Variants in TRPM3 observed in about 807,000 individuals in gnomAD.
TRPM3 encodes the protein long transient receptor potential channel 3.
In TRPM3, 77 loss-of-function variants were observed where a neutral mutation model predicts 181.2. The ratio of observed to expected loss-of-function variants is 0.42; its 90% confidence interval spans 0.35 to 0.51. The LOEUF (loss-of-function observed/expected upper bound fraction) is 0.51, where lower values mean the gene tolerates loss of function less well. TRPM3 is among the 20% of genes least tolerant of loss of function. The probability of loss-of-function intolerance (pLI) is 0.01; values close to 1 mark genes in which losing one functional copy is unlikely to be tolerated. For synonymous variants in TRPM3, 745 were observed against 796.4 expected, an observed-to-expected ratio of 0.94 and a Z score of 1.09; for missense variants, 1,759 against 2,196.7, an observed-to-expected ratio of 0.80 and a Z score of 3.98.
intron 1 of TRPM3, among the ~76,000 whole-genome samples, chr9:71,020,292 C>G (rs1256768258): frequency 6.6e-6 from 1 of 151,740 alleles, no homozygotes; most frequent in African/African-American, 2.4e-5. Context: ...GAAAATGAGA[C>G]CCTGTCTCTA....
At chr9:70,967,988 C>T (rs2097202743) in intron 1 of TRPM3, among the ~76,000 whole-genome samples, 1 of 152,040 alleles carries the variant, frequency 6.6e-6, no homozygotes, top group African/African-American at 2.4e-5. Context: ...GCTCAAGTCA[C>T]ATCTCTTTTA....
chr9:70,684,340 C>T (rs903638008), intron 8 of TRPM3, among the ~76,000 whole-genome samples: 2 of 152,144 alleles, frequency 1.3e-5, no homozygotes, highest in Non-Finnish European at 2.9e-5. Context: ...GACTGCTCAC[C>T]TGTTCATGCC....
At chr9:71,178,299 T>C (rs2077217377) in intron 1 of TRPM3, among the ~76,000 whole-genome samples, 1 of 152,178 alleles carries the variant, frequency 6.6e-6, no homozygotes, top group Non-Finnish European at 1.5e-5. Flanking sequence ...TGTTTTGTTT[T>C]ATTATAAACA....
intron 1 of TRPM3, among the ~76,000 whole-genome samples, chr9:71,117,751 T>C (rs927461557): frequency 1.3e-5 from 2 of 152,166 alleles, no homozygotes; most frequent in Non-Finnish European, 2.9e-5. Flanking sequence ...ATATAAAAAT[T>C]TGAAAGTCTT....
At chr9:70,616,466 G>A (rs997555894) in intron 17 of TRPM3, among the ~76,000 whole-genome samples, 3 of 150,856 alleles carry the variant, frequency 2.0e-5, no homozygotes, top group Non-Finnish European at 4.4e-5. Flanking sequence ...ATTAGACAGC[G>A]CTTGATTTTG....
chr9:71,259,909 CT>C (rs1029956851), intron 1 of TRPM3, among the ~76,000 whole-genome samples: 1 of 151,988 alleles, frequency 6.6e-6, no homozygotes, highest in African/African-American at 2.4e-5. Flanking sequence ...ACAATTTTGG[CT>C]TTTTTTGCAA....
chr9:71,373,107 G>A (rs936523625), intron 1 of TRPM3, among the ~76,000 whole-genome samples: 7 of 152,218 alleles, frequency 4.6e-5, no homozygotes, highest in South Asian at 2.1e-4. Flanking sequence ...CAGAGTCTCC[G>A]GGATGTGGCT....
intron 1 of TRPM3, among the ~76,000 whole-genome samples, chr9:71,275,269 GTTT>G (rs1358945068): frequency 6.6e-6 from 1 of 152,064 alleles, no homozygotes; most frequent in East Asian, 1.9e-4. Context: ...GCTTTAAAAT[GTTT>G]TTTAAGTGTT....
At chr9:71,030,976 G>A (rs960111619) in intron 1 of TRPM3, among the ~76,000 whole-genome samples, 1 of 152,118 alleles carries the variant, frequency 6.6e-6, no homozygotes, top group African/African-American at 2.4e-5. Context: ...GAACTTATGG[G>A]ATTTGGGGGT....
At chr9:71,333,030 T>G (rs1379686918) in intron 1 of TRPM3, among the ~76,000 whole-genome samples, 4 of 151,930 alleles carry the variant, frequency 2.6e-5, no homozygotes, top group African/African-American at 4.8e-5. Flanking sequence ...AGTATAATAC[T>G]TGGACTCCAC....
chr9:71,415,126 G>T (rs1229787130), intron 1 of TRPM3, among the ~76,000 whole-genome samples: 1 of 152,066 alleles, frequency 6.6e-6, no homozygotes, highest in Non-Finnish European at 1.5e-5. Flanking sequence ...AGAAGGCAAT[G>T]ACCATGGAGG....
chr9:70,834,142 G>A (rs1309147280), intron 5 of TRPM3, among the ~76,000 whole-genome samples: 3 of 152,158 alleles, frequency 2.0e-5, no homozygotes, highest in Non-Finnish European at 1.5e-5. Context: ...TTTCAGCTCG[G>A]CAATTCAAAC....
At chr9:71,420,643 G>A (rs951756645) in intron 1 of TRPM3, among the ~76,000 whole-genome samples, 33 of 125,172 alleles carry the variant, frequency 2.6e-4, no homozygotes, top group African/African-American at 8.7e-4. Context: ...GAAAAAGAGA[G>A]AGAAAGAGAA....
At chr9:70,889,254 C>A (rs2096151017) in intron 1 of TRPM3, among the ~76,000 whole-genome samples, 1 of 152,310 alleles carries the variant, frequency 6.6e-6, no homozygotes, top group East Asian at 1.9e-4. Flanking sequence ...TGCCTCCTCT[C>A]CACATAGCCA....
At chr9:71,337,512 A>T (rs902314173) in intron 1 of TRPM3, among the ~76,000 whole-genome samples, 1 of 152,164 alleles carries the variant, frequency 6.6e-6, no homozygotes, top group Non-Finnish European at 1.5e-5. Flanking sequence ...GTGGAAGACA[A>T]AAGTGTGGCA....
chr9:71,142,277 C>T (rs2072238256), intron 1 of TRPM3, among the ~76,000 whole-genome samples: 1 of 152,040 alleles, frequency 6.6e-6, no homozygotes, highest in African/African-American at 2.4e-5. Context: ...CATGTGGTGG[C>T]CACTCTCTTT....
At chr9:70,892,185 T>A (rs965819877) in intron 1 of TRPM3, among the ~76,000 whole-genome samples, 1 of 152,218 alleles carries the variant, frequency 6.6e-6, no homozygotes, top group Admixed American at 6.5e-5. Context: ...GAAGACTATA[T>A]AGAGAAATTA....
intron 1 of TRPM3, among the ~76,000 whole-genome samples, chr9:71,363,010 A>T (rs1213395626): frequency 1.3e-5 from 2 of 152,218 alleles, no homozygotes; most frequent in African/African-American, 4.8e-5. Flanking sequence ...TCTTTAGAGC[A>T]ATGCTTTGAA....
At chr9:71,136,521 G>A (rs1224264827) in intron 1 of TRPM3, among the ~76,000 whole-genome samples, 3 of 152,082 alleles carry the variant, frequency 2.0e-5, no homozygotes, top group Non-Finnish European at 4.4e-5. Flanking sequence ...CTACTTCTTC[G>A]CAATCATACA....
Sources: allele counts gnomAD v4.1 joint callset (sites outside exome capture counted in the v4.1 genomes callset), GRCh38; gene constraint gnomAD v4.1.1; transcripts MANE v1.5; gene names NCBI Gene and HGNC (gene_info 2026-07-23, HGNC 2026-07-21).